Variants in ANGPT1 observed in about 807,000 individuals in gnomAD.
The protein encoded by ANGPT1 is angiopoietin-1.
A neutral mutation model predicts 62.2 loss-of-function variants in ANGPT1; 17 were observed. The observed-to-expected ratio is 0.27, with a 90% CI of 0.19 to 0.41. The LOEUF is 0.41. Among genes scored for constraint, ANGPT1 ranks in the 10% least tolerant of loss-of-function variants. ANGPT1 has a pLI of 1.00. For missense variants in ANGPT1, 478 were observed against 594.9 expected (o/e 0.80, Z 2.04); for synonymous variants, 199 against 198.9 (o/e 1.00, Z 0.00).
intron 1 of ANGPT1, among the ~76,000 whole-genome samples, chr8:107,397,947 A>G (rs1377120749): frequency 2.0e-5 from 3 of 152,132 alleles, no homozygotes; most frequent in African/African-American, 7.2e-5. Context: ...TCAAATACCA[A>G]AGTTGAAACA....
chr8:107,310,118 CA>C (rs1205944082), intron 4 of ANGPT1, among the ~76,000 whole-genome samples: 1 of 151,698 alleles, frequency 6.6e-6, no homozygotes, highest in African/African-American at 2.4e-5. Flanking sequence ...TCTTAACTAC[CA>C]TTTTTTATGG....
intron 1 of ANGPT1, among the ~76,000 whole-genome samples, chr8:107,374,239 A>G (rs913255734): frequency 6.6e-6 from 1 of 152,232 alleles, no homozygotes; most frequent in Non-Finnish European, 1.5e-5. Flanking sequence ...AGGAGACCAG[A>G]AGAGCCAACT....
chr8:107,456,301 C>T (rs1388869402), intron 1 of ANGPT1, among the ~76,000 whole-genome samples: 2 of 152,038 alleles, frequency 1.3e-5, no homozygotes, highest in East Asian at 3.9e-4. Flanking sequence ...GTAGCAACAA[C>T]ATTCCACATG....
intron 7 of ANGPT1, among the ~76,000 whole-genome samples, chr8:107,268,571 T>C (rs923784541): frequency 1.9e-4 from 29 of 152,206 alleles, no homozygotes; most frequent in South Asian, 1.2e-3. Context: ...AAAAAGGCCA[T>C]GTCTTAATTC....
intron 1 of ANGPT1, among the ~76,000 whole-genome samples, chr8:107,483,692 T>C (rs950796146): frequency 2.0e-5 from 3 of 152,206 alleles, no homozygotes; most frequent in African/African-American, 7.2e-5. Context: ...TTCTCCTCTA[T>C]TGACTATATT....
intron 2 of ANGPT1, among the ~76,000 whole-genome samples, chr8:107,338,993 T>A (rs572153153): frequency 6.6e-6 from 1 of 152,350 alleles, no homozygotes; most frequent in Non-Finnish European, 1.5e-5. Context: ...TCTTTCTTAT[T>A]CGCCGTACTC....
At chr8:107,454,605 C>T (rs1176380742) in intron 1 of ANGPT1, among the ~76,000 whole-genome samples, 1 of 152,026 alleles carries the variant, frequency 6.6e-6, no homozygotes, top group Admixed American at 6.6e-5. Context: ...AATAGTATCA[C>T]ATATTTTGTT....
Position 107,251,933 on chromosome 8 carries a change from C to A in ANGPT1, c.1419G>T (p.Gly473=), listed in dbSNP as rs760715528. The A allele has an allele frequency of 6.2e-7, 1 of 1,613,870 alleles. No homozygotes were observed. The highest frequency in any genetic ancestry group is 8.5e-7 in the Non-Finnish European group (1 of 1,179,874). The change falls in exon 9 of 9, where the codon GGG becomes GGT. Residue 473 remains glycine, a synonymous_variant. Coordinates refer to ENST00000517746, the MANE Select transcript of ANGPT1 (RefSeq NM_001146.5). ...GCCCTTTGAAGTAGTGCCACTTTAT[C>A]CCATTCAGTTTTCCATGGTTTTGTC... The part of the protein sequence containing the change: ...TAGQNHGKLN[G]IKWHYFKGPS...
intron 3 of ANGPT1, among the ~76,000 whole-genome samples, chr8:107,322,368 T>C (rs1380102085): frequency 1.3e-5 from 2 of 152,180 alleles, no homozygotes; most frequent in Non-Finnish European, 2.9e-5. Context: ...TTAACTATGA[T>C]TTAGTTTCTT....
At chr8:107,377,399 T>G (rs1816550908) in intron 1 of ANGPT1, among the ~76,000 whole-genome samples, 1 of 152,188 alleles carries the variant, frequency 6.6e-6, no homozygotes, top group Admixed American at 6.6e-5. Context: ...GTCATAATCC[T>G]GTCTGGATAA....
intron 1 of ANGPT1, among the ~76,000 whole-genome samples, chr8:107,470,406 G>A (rs929376993): frequency 6.6e-6 from 1 of 152,172 alleles, no homozygotes; most frequent in South Asian, 2.1e-4. Context: ...ATTACTGCAG[G>A]AGGATAATAG....
At chr8:107,303,475 C>A in intron 4 of ANGPT1, 108 bp from the exon 5 acceptor site, 1 of 876,468 alleles carries the variant, frequency 1.1e-6, no homozygotes, top group South Asian at 1.8e-5. Context: ...ACACAAATGT[C>A]AATATCGCAC....
chr8:107,362,745 G>A (rs1224513886), intron 1 of ANGPT1, among the ~76,000 whole-genome samples: 2 of 152,054 alleles, frequency 1.3e-5, no homozygotes, highest in Non-Finnish European at 1.5e-5. Flanking sequence ...CACCATTATA[G>A]AAAAGAAATT....
intron 1 of ANGPT1, among the ~76,000 whole-genome samples, chr8:107,475,065 A>G (rs1812477770): frequency 6.6e-6 from 1 of 152,168 alleles, no homozygotes; most frequent in African/African-American, 2.4e-5. Flanking sequence ...GACTTTCTTG[A>G]CAGAATTAGA....
chr8:107,322,016 TTATATATGTTTGACGAG>T lies in ANGPT1; in HGVS notation c.671_687del (p.Thr224AsnfsTer38). 6.2e-7 allele frequency: 1 copy of T among 1,613,994 alleles called. No homozygotes were observed. Among genetic ancestry groups the T allele is most frequent in the Non-Finnish European group, 8.5e-7 (1 of 1,179,920 alleles). ...TTTAATTGCTTTTCCAGCTCCTGGA[TTATATATGTTTGACGAG>T]TAACCAAGCCTTGAAGGTTCTCTTT... On this transcript the variant is annotated frameshift_variant, in exon 4 of 9. Coordinates refer to ENST00000517746, the MANE Select transcript of ANGPT1 (RefSeq NM_001146.5). LOFTEE classifies it high-confidence loss of function.
At chr8:107,424,124 A>T (rs1306708636) in intron 1 of ANGPT1, among the ~76,000 whole-genome samples, 1 of 150,648 alleles carries the variant, frequency 6.6e-6, no homozygotes. Context: ...TACAGGAGTG[A>T]GCCACTGTGC....
intron 1 of ANGPT1, among the ~76,000 whole-genome samples, chr8:107,495,453 C>A (rs1349613427): frequency 6.6e-6 from 1 of 151,992 alleles, no homozygotes; most frequent in Admixed American, 6.6e-5. Flanking sequence ...TGATTTAAGC[C>A]CAGCAGAATT....
At chr8:107,482,745 C>G (rs923891570) in intron 1 of ANGPT1, among the ~76,000 whole-genome samples, 7 of 152,122 alleles carry the variant, frequency 4.6e-5, no homozygotes, top group Non-Finnish European at 8.8e-5. Flanking sequence ...AGCTTTATTA[C>G]TCAAATATGG....
intron 6 of ANGPT1, among the ~76,000 whole-genome samples, chr8:107,285,696 G>A (rs1345952585): frequency 6.6e-6 from 1 of 152,040 alleles, no homozygotes; most frequent in Non-Finnish European, 1.5e-5. Context: ...CTTAATGTTG[G>A]AGATGTTAGT....
Sources: allele counts gnomAD v4.1 joint callset (sites outside exome capture counted in the v4.1 genomes callset), GRCh38; gene constraint gnomAD v4.1.1; transcripts MANE v1.5; gene names NCBI Gene and HGNC (gene_info 2026-07-23, HGNC 2026-07-21).